The following NOP14 variants were observed in gnomAD, a reference collection of about 807,000 sequenced individuals.
The protein encoded by NOP14 is nucleolar protein 14.
NOP14 carries 57 observed loss-of-function variants against 101.6 expected under a neutral mutation model. That is an observed-to-expected ratio of 0.56 (90% CI 0.45 to 0.70). The LOEUF (loss-of-function observed/expected upper bound fraction) is 0.70, where lower values mean the gene tolerates loss of function less well. Ranked by LOEUF, NOP14 falls within the 30% of genes least tolerant of loss-of-function variation. NOP14 has a pLI of 0.00. For synonymous variants in NOP14, 428 were observed against 424.0 expected, an observed-to-expected ratio of 1.01 and a Z score of -0.12; for missense variants, 1,134 against 1,075.5, an observed-to-expected ratio of 1.05 and a Z score of -0.76.
In NOP14 at chr4:2,950,196, G is replaced by T. The variant is rs767905576; in HGVS notation, c.1020C>A (p.Val340=). ...TTTGCTCTTCCTGGACATCTTCCTC[G>T]ACATTCATCTTTCCATCCTACCAAG... is the stretch of plus-strand genomic sequence containing the variant. ...LLSYKDGKMN[V]EEDVQEEQSK... Residue 340 remains valine (V), a synonymous_variant, in exon 8 of 18, where the codon GTC becomes GTA. Transcript: ENST00000416614. 31 of 1,613,738 alleles carry T rather than the reference G, an allele frequency of 1.9e-5. No individual in the cohort carries two copies. Among genetic ancestry groups the T allele is most frequent in the Non-Finnish European group, 2.6e-5 (31 of 1,180,028 alleles).
chr4:2,958,918 G>A (rs1715523590), intron 1 of NOP14, among the ~76,000 whole-genome samples: 1 of 152,168 alleles, frequency 6.6e-6, no homozygotes, highest in Non-Finnish European at 1.5e-5. Flanking sequence ...GAAGCAGCTG[G>A]GCAAGAGCAG....
At chr4:2,961,985 C>G (rs1054822058) in intron 1 of NOP14, among the ~76,000 whole-genome samples, 1 of 152,194 alleles carries the variant, frequency 6.6e-6, no homozygotes, top group Non-Finnish European at 1.5e-5. Context: ...TGAGCTGGCC[C>G]TTTAGAGACT....
chr4:2,953,293 CT>C (rs953276181), intron 5 of NOP14, among the ~76,000 whole-genome samples: 7 of 152,196 alleles, frequency 4.6e-5, no homozygotes, highest in Admixed American at 4.6e-4. Context: ...AGAAACACCA[CT>C]TTTTTCAGTT....
chr4:2,942,586 C>T (rs1323455974), intron 13 of NOP14, among the ~76,000 whole-genome samples: 1 of 152,186 alleles, frequency 6.6e-6, no homozygotes, highest in African/African-American at 2.4e-5. Context: ...CCTGAGAGGC[C>T]TGCTGGCCAC....
chr4:2,963,368 G>A lies in NOP14; in HGVS notation c.-49C>T. ...GGGCCCGAGACCCGAAGAGAGACAG[G>A]CGCGCGCTACCCTAAGACACGTGCC... On this transcript the variant is annotated 5_prime_UTR_variant, in exon 1 of 18. Coordinates refer to ENST00000416614, the MANE Select transcript of NOP14 (RefSeq NM_001291978.2). 2 of 1,496,388 alleles carry A rather than the reference G, an allele frequency of 1.3e-6. No individual in the cohort carries two copies. The highest frequency in any genetic ancestry group is 1.8e-6 in the Non-Finnish European group (2 of 1,131,156). 92.7% of individuals were successfully genotyped at this position (1,496,388 alleles called of 1,614,324 possible). A position where few individuals can be genotyped will look rare whatever the true frequency, so the allele number is the denominator to read the frequency against.
In NOP14 at chr4:2,944,666, G is replaced by A. The variant is rs1238434746; in HGVS notation, c.1738-440C>T. Among the ~76,000 whole-genome samples, 10 of 152,190 alleles carry A rather than the reference G, an allele frequency of 6.6e-5. No homozygotes were observed. The East Asian group carries it at 1.2e-3, about 18-fold the overall frequency. On this transcript the variant is annotated intron_variant, in intron 12 of 17. Coordinates refer to ENST00000416614, the MANE Select transcript of NOP14 (RefSeq NM_001291978.2). Reference sequence around the variant, plus strand: ...AGGTGATCCGCCCGCCTCAGCCTCCGAAAGTGCTGGGATTACAGGCGTGAG... The same window carrying A: ...AGGTGATCCGCCCGCCTCAGCCTCCAAAAGTGCTGGGATTACAGGCGTGAG...
chr4:2,943,829 G>A (rs1264966439), intron 13 of NOP14, among the ~76,000 whole-genome samples: 2 of 152,212 alleles, frequency 1.3e-5, no homozygotes, highest in Non-Finnish European at 2.9e-5. Flanking sequence ...CACAGGTAGG[G>A]TACGTCTCAG....
At chr4:2,943,534 G>A (rs1323685547) in intron 13 of NOP14, among the ~76,000 whole-genome samples, 1 of 152,246 alleles carries the variant, frequency 6.6e-6, no homozygotes, top group African/African-American at 2.4e-5. Flanking sequence ...CAGGAGGGCA[G>A]CCAGTGTGCA....
Position 2,945,199 on chromosome 4 carries a change from A to G in NOP14, c.1666T>C (p.Phe556Leu). The part of the protein sequence containing the change: ...LIYLKITGLL[F>L]PTSDFWHPVV... Reference sequence around the variant, plus strand: ...GGGTGCCAGAAGTCGGAAGTTGGAAATAGCAGCCCAGTGATTTTCAAATAA... The same window carrying G: ...GGGTGCCAGAAGTCGGAAGTTGGAAGTAGCAGCCCAGTGATTTTCAAATAA... The change falls in exon 12 of 18, where the codon TTT becomes CTT. Residue 556 changes from phenylalanine to leucine, a missense_variant. Transcript: ENST00000416614. 3 of 1,582,390 alleles carry G rather than the reference A, an allele frequency of 1.9e-6. No homozygotes were observed. Among genetic ancestry groups the G allele is most frequent in the Non-Finnish European group, 1.7e-6 (2 of 1,163,458 alleles).
chr4:2,960,342 G>T lies in NOP14; in HGVS notation c.196-2602C>A, dbSNP rs77732524. 1.8e-3 allele frequency among the ~76,000 whole-genome samples: 268 copies of T among 151,984 alleles called. 7 individuals are homozygous for T. The East Asian group carries it at 0.041, about 23-fold the overall frequency. On this transcript the variant is annotated intron_variant, in intron 1 of 17. Coordinates refer to ENST00000416614, the MANE Select transcript of NOP14 (RefSeq NM_001291978.2). ...TGTCACTGGCTTCTAGCAGGAAGGGGGTAGATGGGGCAGGCATCAGCCATC... is the reference window on the plus strand; with the variant it reads ...TGTCACTGGCTTCTAGCAGGAAGGGTGTAGATGGGGCAGGCATCAGCCATC...
intron 11 of NOP14, among the ~76,000 whole-genome samples, chr4:2,945,765 G>A (rs1476497887): frequency 6.6e-6 from 1 of 152,152 alleles, no homozygotes; most frequent in East Asian, 1.9e-4. Context: ...GGACAATACC[G>A]TGGTTCTATT....
intron 3 of NOP14, among the ~76,000 whole-genome samples, chr4:2,955,073 TCCCTCTAGTCACCTGCGCCACGGCGCC>T (rs1577845541): frequency 3.2e-4 from 21 of 65,132 alleles, no homozygotes; most frequent in Admixed American, 3.1e-3. Flanking sequence ...GCCACGGCGC[TCCCTCTAGTCACCTGCGCCACGGCGCC>T]CCCTCTAGTC....
chr4:2,957,057 G>A (rs891227338), intron 2 of NOP14, among the ~76,000 whole-genome samples: 21 of 151,918 alleles, frequency 1.4e-4, no homozygotes, highest in African/African-American at 3.9e-4. Flanking sequence ...GCTGGAGTGC[G>A]GTAGAGTGAT....
At position 2,941,740 on chromosome 4, in the gene NOP14, A is replaced by G. The variant is rs1343353375; in HGVS notation, c.2052-11T>C. 1.2e-6 allele frequency: 2 copies of G among 1,608,816 alleles called. No individual in the cohort carries two copies. Among genetic ancestry groups the G allele is most frequent in the Non-Finnish European group, 8.5e-7 (1 of 1,178,360 alleles). Reference sequence around the variant, plus strand: ...GCCAGGCAGGACAGTCTGTGAGGGCAGGAGGCAAGAGGAGGTCCAACTTGT... The same window carrying G: ...GCCAGGCAGGACAGTCTGTGAGGGCGGGAGGCAAGAGGAGGTCCAACTTGT... On this transcript the variant is annotated splice_polypyrimidine_tract_variant and intron_variant, in intron 14 of 17. Transcript: ENST00000416614.
chr4:2,963,129 C>G lies in NOP14; in HGVS notation c.191G>C (p.Arg64Thr). 6.4e-7 allele frequency: 1 copy of G among 1,558,462 alleles called. No homozygotes were observed. The highest frequency in any genetic ancestry group is 8.7e-7 in the Non-Finnish European group (1 of 1,154,984). The change falls in exon 1 of 18, where the codon AGG (arginine) becomes ACG (threonine). Residue 64 changes from arginine to threonine, a missense_variant. Arg to Thr is a moderately conservative substitution (Grantham distance 71). Coordinates refer to ENST00000416614, the MANE Select transcript of NOP14 (RefSeq NM_001291978.2). The stretch of plus-strand genomic sequence containing the variant: ...CCCCGTGCGCCCCCCGCTTACCTTC[C>G]TGAGGGCCCGTGCGCGAGACACCCC... ...LPGVSRARAL[R>T]KRTQTLLKEY...
chr4:2,944,301 T>G, intron 12 of NOP14, 75 bp from the exon 13 acceptor site: 1 of 1,424,558 alleles, frequency 7.0e-7, no homozygotes. Flanking sequence ...CGGGCTTCCC[T>G]GATGAACCAC....
Position 2,939,349 on chromosome 4 carries a change from A to C in NOP14, c.2319-6T>G. The C allele has an allele frequency of 6.2e-7, 1 of 1,613,946 alleles. No individual in the cohort carries two copies. Among genetic ancestry groups the C allele is most frequent in the Non-Finnish European group, 8.5e-7 (1 of 1,180,004 alleles). On this transcript the variant is annotated splice_region_variant and splice_polypyrimidine_tract_variant and intron_variant, in intron 16 of 17. Coordinates refer to ENST00000416614, the MANE Select transcript of NOP14 (RefSeq NM_001291978.2). Reference sequence around the variant, plus strand: ...GTTTTCTTCCAAACTCGAGGCTACAACCAGAAAGCCACTGTTAAGGAAGCA... The same window carrying C: ...GTTTTCTTCCAAACTCGAGGCTACACCCAGAAAGCCACTGTTAAGGAAGCA...
In NOP14 at chr4:2,941,649, A is replaced by G; in HGVS notation, c.2132T>C (p.Ile711Thr). 2 of 1,613,478 alleles carry G rather than the reference A, an allele frequency of 1.2e-6. No homozygotes were observed. The highest frequency in any genetic ancestry group is 1.7e-6 in the Non-Finnish European group (2 of 1,179,946). ...MYGSLPSFHA[I>T]MGPLQALLTD... ...GAGGAGGGCTTGGAGAGGCCCCATG[A>G]TGGCGTGGAAGGATGGCAGGGACCC... Residue 711 changes from isoleucine (I) to threonine (T), a missense_variant, in exon 15 of 18, where the codon ATC becomes ACC. Transcript: ENST00000416614.
intron 13 of NOP14, among the ~76,000 whole-genome samples, chr4:2,943,633 G>A (rs1293466998): frequency 2.0e-5 from 3 of 152,262 alleles, no homozygotes; most frequent in Non-Finnish European, 4.4e-5. Context: ...CGGCCTGTGT[G>A]AGCTGCACGA....
Sources: allele counts gnomAD v4.1 joint callset (sites outside exome capture counted in the v4.1 genomes callset), GRCh38; gene constraint gnomAD v4.1.1; transcripts MANE v1.5; gene names NCBI Gene and HGNC (gene_info 2026-07-23, HGNC 2026-07-21).